OR4C6: variants seen among roughly 807,000 people sequenced by gnomAD.
OR4C6 encodes the protein olfactory receptor 4C6.
In OR4C6, 20 loss-of-function variants were observed where a neutral mutation model predicts 13.9. The ratio of observed to expected loss-of-function variants is 1.43; its 90% CI spans 1.01 to 2.08. The LOEUF is 2.08. OR4C6 is among the 30% of genes most tolerant of loss of function. The pLI is 0.00. For synonymous variants in OR4C6, 193 were observed against 141.5 expected (o/e 1.36, Z -2.58); for missense variants, 555 against 381.2 (o/e 1.46, Z -3.80).
chr11:55,665,270 C>T lies in OR4C6; in HGVS notation c.104C>T (p.Ala35Val), dbSNP rs756759753. Residue 35 changes from alanine (A) to valine (V), a missense_variant, in exon 2 of 2, where the codon GCC becomes GTC. Coordinates refer to ENST00000314259, the MANE Select transcript of OR4C6 (RefSeq NM_001004704.2). ...GCTGTGTTTCTTGTCATGTATGTAG[C>T]CACAGTGCTGGAAAATCTACTTATT... ...FSAVFLVMYV[A>V]TVLENLLIVV... is the part of the protein sequence containing the mutation. 1 of 1,611,706 alleles carries T rather than the reference C, an allele frequency of 6.2e-7. No homozygotes were observed. The highest frequency in any genetic ancestry group is 8.5e-7 in the Non-Finnish European group (1 of 1,178,022).
chr11:55,663,222 A>G (rs295604), intron 1 of OR4C6, among the ~76,000 whole-genome samples: 72,090 of 135,446 alleles, frequency 0.53, 25,191 homozygotes, highest in South Asian at 0.74. Context: ...GGCAGGAAGT[A>G]AGTGGGACTG....
At position 55,666,002 on chromosome 11, in the gene OR4C6, T is replaced by C. The variant is rs368659508; in HGVS notation, c.836T>C (p.Met279Thr). ...GTGTCAGACTCAATCATCACACCCA[T>C]GTTAAATCCCTTGATCTATACACTG... ...MAVSDSIITP[M>T]LNPLIYTLRN... Residue 279 changes from methionine (M) to threonine (T), a missense_variant, in exon 2 of 2, where the codon ATG becomes ACG. Transcript: ENST00000314259. 1.5e-5 allele frequency: 25 copies of C among 1,613,580 alleles called. No individual in the cohort carries two copies. The highest frequency in any genetic ancestry group is 2.0e-5 in the Non-Finnish European group (24 of 1,179,818).
rs760326684 is a variant in OR4C6, at chr11:55,665,558, C to A, written c.392C>A (p.Thr131Lys). Residue 131 changes from threonine (T) to lysine (K), a missense_variant, in exon 2 of 2, where the codon ACG becomes AAG. Physicochemically the swap from Thr to Lys is moderately conservative, Grantham distance 78. Transcript: ENST00000314259. ...GCCATCTGTAAGCCCCTGCACTACA[C>A]GATCATCATGAGTCCACGGGTGTGC... ...YVAICKPLHYTIIMSPRVCCL... is the reference protein window; with the variant it reads ...YVAICKPLHYKIIMSPRVCCL... 2 of 1,613,880 alleles carry A rather than the reference C, an allele frequency of 1.2e-6. No homozygotes were observed. The highest frequency in any genetic ancestry group is 1.7e-6 in the Non-Finnish European group (2 of 1,179,992).
At position 55,665,670 on chromosome 11, in the gene OR4C6, T is replaced by G; in HGVS notation, c.504T>G (p.Gly168=). ...TCATGTATCAAATACCCTTCTGTGG[T>G]CCTAATATCATAGATCACTTTATAT... ...LLFMYQIPFC[G]PNIIDHFICD... Residue 168 remains glycine, a synonymous_variant, in exon 2 of 2, where the codon GGT becomes GGG. Coordinates refer to ENST00000314259, the MANE Select transcript of OR4C6 (RefSeq NM_001004704.2). 6.2e-7 allele frequency: 1 copy of G among 1,613,930 alleles called. No individual in the cohort carries two copies. Among genetic ancestry groups the G allele is most frequent in the Non-Finnish European group, 8.5e-7 (1 of 1,179,980 alleles).
rs1314544480 is a variant in OR4C6, at chr11:55,665,126, A to T, written c.-41A>T. 1.6e-6 allele frequency: 2 copies of T among 1,248,118 alleles called. No homozygotes were observed. Among genetic ancestry groups the T allele is most frequent in the African/African-American group, 3.0e-5 (2 of 66,304 alleles). The allele number at this position is 1,248,118 out of a possible 1,614,324, so 77.3% of individuals were successfully genotyped here. On this transcript the variant is annotated splice_region_variant and 5_prime_UTR_variant, in exon 2 of 2. Coordinates refer to ENST00000314259, the MANE Select transcript of OR4C6 (RefSeq NM_001004704.2). ...ATAAATCATATCTTGCTTATTTAGG[A>T]TTCTCAACTCTCAGCTGGAACTCAT...
Position 55,665,417 on chromosome 11 carries a change from T to C in OR4C6, c.251T>C (p.Leu84Pro), listed in dbSNP as rs1858727159. ...VVAPKVIVDTLSKSTTISLKG... is the reference protein window; with the variant it reads ...VVAPKVIVDTPSKSTTISLKG... ...GCCCCCAAGGTGATTGTAGACACCCTCTCCAAGAGCACTACCATCTCTCTC... is the reference window on the plus strand; with the variant it reads ...GCCCCCAAGGTGATTGTAGACACCCCCTCCAAGAGCACTACCATCTCTCTC... The change falls in exon 2 of 2, where the codon CTC becomes CCC. Residue 84 changes from leucine (L) to proline (P), a missense_variant. By Grantham distance (98) the Leu-to-Pro change is moderately conservative. Transcript: ENST00000314259. The C allele has an allele frequency of 6.2e-7, 1 of 1,613,838 alleles. No individual in the cohort carries two copies. Among genetic ancestry groups the C allele is most frequent in the Non-Finnish European group, 8.5e-7 (1 of 1,179,972 alleles).
At chr11:55,665,014 A>G in intron 1 of OR4C6, 111 bp from the exon 2 acceptor site, 1 of 585,508 alleles carries the variant, frequency 1.7e-6, no homozygotes, top group Non-Finnish European at 3.0e-6. Flanking sequence ...TAGAAGTCAA[A>G]TGCCTAGATG....
rs752907796 is a variant in OR4C6, at chr11:55,665,583, C to A, written c.417C>A (p.Cys139Ter). 1 of 1,613,912 alleles carries A rather than the reference C, an allele frequency of 6.2e-7. No homozygotes were observed. Among genetic ancestry groups the A allele is most frequent in the South Asian group, 1.1e-5 (1 of 91,068 alleles). The change falls in exon 2 of 2, where the codon TGC becomes TGA. Residue 139 changes from cysteine (C) to a stop codon, truncating the protein, a stop_gained. Coordinates refer to ENST00000314259, the MANE Select transcript of OR4C6 (RefSeq NM_001004704.2). LOFTEE classifies it high-confidence loss of function. ...CGATCATCATGAGTCCACGGGTGTG[C>A]TGCCTAATGGTAGGAGGGGCTTGGG... ...HYTIIMSPRV[C>*]CLMVGGAWVG...
At chr11:55,662,896 G>A (rs1198573369) in intron 1 of OR4C6, among the ~76,000 whole-genome samples, 5 of 139,178 alleles carry the variant, frequency 3.6e-5, no homozygotes, top group African/African-American at 1.3e-4. Flanking sequence ...AGGCAGCTAT[G>A]CAATTTCTCT....
intron 1 of OR4C6, among the ~76,000 whole-genome samples, 172 bp downstream of exon 1, chr11:55,662,420 C>T (rs1320529367): frequency 1.4e-5 from 2 of 138,748 alleles, no homozygotes; most frequent in African/African-American, 2.5e-5. Context: ...TATCTATGTC[C>T]CACTGCTCAC....
chr11:55,664,521 TA>T (rs1858710673), intron 1 of OR4C6, among the ~76,000 whole-genome samples: 1 of 152,008 alleles, frequency 6.6e-6, no homozygotes, highest in Non-Finnish European at 1.5e-5. Context: ...AATATTTTTT[TA>T]AAAAGCACAA....
intron 1 of OR4C6, among the ~76,000 whole-genome samples, chr11:55,663,248 C>G (rs1286270720): frequency 7.3e-6 from 1 of 137,598 alleles, no homozygotes; most frequent in African/African-American, 2.5e-5. Flanking sequence ...GGAATAAATA[C>G]AGTGAAGCAC....
chr11:55,662,452 A>G (rs1858683049), intron 1 of OR4C6, among the ~76,000 whole-genome samples: 1 of 139,436 alleles, frequency 7.2e-6, no homozygotes, highest in East Asian at 2.3e-4. Context: ...TCCAATTGAT[A>G]AATGATATTG....
At chr11:55,664,424 T>A (rs1224533775) in intron 1 of OR4C6, among the ~76,000 whole-genome samples, 1 of 152,162 alleles carries the variant, frequency 6.6e-6, no homozygotes, top group Non-Finnish European at 1.5e-5. Flanking sequence ...TACTGAACAA[T>A]GAAGTCAGGG....
chr11:55,662,460 T>C (rs1289821298), intron 1 of OR4C6, among the ~76,000 whole-genome samples: 1 of 139,238 alleles, frequency 7.2e-6, no homozygotes, highest in African/African-American at 2.5e-5. Context: ...ATAAATGATA[T>C]TGATGTCCAC....
chr11:55,664,999 A>G (rs1590488032), intron 1 of OR4C6, 126 bp from the exon 2 acceptor site: 2 of 570,158 alleles, frequency 3.5e-6, no homozygotes, highest in Admixed American at 3.3e-5. Context: ...TATTTAGCAC[A>G]TTCTTAGAAG....
Position 55,665,761 on chromosome 11 carries a change from C to G in OR4C6, c.595C>G (p.Leu199Val). 1 of 1,613,892 alleles carries G rather than the reference C, an allele frequency of 6.2e-7. No individual in the cohort carries two copies. The highest frequency in any genetic ancestry group is 8.5e-7 in the Non-Finnish European group (1 of 1,179,980). ...CCACATCCTGGGCCTCTTAGTTACC[C>G]TCAACAGTGGGATGATGTGTGTGGC... ...DTHILGLLVT[L>V]NSGMMCVAIF... The change falls in exon 2 of 2, where the codon CTC (leucine) becomes GTC (valine). Residue 199 changes from leucine (L) to valine (V), a missense_variant. Physicochemically the swap from Leu to Val is conservative, Grantham distance 32 (BLOSUM62 1). Coordinates refer to ENST00000314259, the MANE Select transcript of OR4C6 (RefSeq NM_001004704.2).
Position 55,665,525 on chromosome 11 carries a change from G to C in OR4C6, c.359G>C (p.Arg120Pro), listed in dbSNP as rs137985207. ...CTCCTCACTGTGATGGCCTATGACC[G>C]CTACGTGGCCATCTGTAAGCCCCTG... ...IILLTVMAYD[R>P]YVAICKPLHY... is the part of the protein sequence containing the mutation. The change falls in exon 2 of 2, where the codon CGC becomes CCC. Residue 120 changes from arginine to proline, a missense_variant. Transcript: ENST00000314259. 5.0e-6 allele frequency: 8 copies of C among 1,613,694 alleles called. No homozygotes were observed. In the South Asian group the frequency reaches 6.6e-5, roughly 13 times the overall value.
Position 55,665,426 on chromosome 11 carries a change from G to T in OR4C6, c.260G>T (p.Ser87Ile), listed in dbSNP as rs778887173. 1.9e-6 allele frequency: 3 copies of T among 1,613,692 alleles called. No homozygotes were observed. In the African/African-American group the frequency reaches 4.0e-5, roughly 22 times the overall value. The change falls in exon 2 of 2, where the codon AGC becomes ATC. Residue 87 changes from serine (S) to isoleucine (I), a missense_variant. By Grantham distance (142) the Ser-to-Ile change is moderately radical. Transcript: ENST00000314259. ...PKVIVDTLSK[S>I]TTISLKGCLT... ...GTGATTGTAGACACCCTCTCCAAGA[G>T]CACTACCATCTCTCTCAAAGGCTGC...
Sources: gnomAD v4.1 joint callset for allele counts (sites outside exome capture counted in the v4.1 genomes callset) on GRCh38, gnomAD v4.1.1 for gene constraint, MANE v1.5 for transcripts, NCBI Gene and HGNC (gene_info 2026-07-23, HGNC 2026-07-21) for gene names.